AGTPBP1: variants seen among roughly 807,000 people sequenced by gnomAD.
The protein encoded by AGTPBP1 is cytosolic carboxypeptidase 1.
AGTPBP1 carries 70 observed loss-of-function variants against 143.9 expected under a neutral mutation model. The ratio of observed to expected loss-of-function variants is 0.49; its 90% confidence interval spans 0.40 to 0.59. The LOEUF (loss-of-function observed/expected upper bound fraction) is 0.59. Ranked by LOEUF, AGTPBP1 falls within the 20% of genes least tolerant of loss-of-function variation. The probability of loss-of-function intolerance (pLI) is 0.00; values close to 1 mark genes in which losing one functional copy is unlikely to be tolerated. For missense variants in AGTPBP1, 1,229 were observed against 1,464.5 expected, an observed-to-expected ratio of 0.84 and a Z score of 2.62; for synonymous variants, 463 against 500.2, an observed-to-expected ratio of 0.93 and a Z score of 0.99.
intron 2 of AGTPBP1, among the ~76,000 whole-genome samples, chr9:85,697,434 A>ATTAGTTTTTTTTTAT (rs1836320175): frequency 8.0e-6 from 1 of 124,490 alleles, no homozygotes; most frequent in African/African-American, 3.1e-5. Context: ...ATGGGTCTTA[A>ATTAGTTTTTTTTTAT]TTTGTTTTTT....
chr9:85,635,467 G>A lies in AGTPBP1; in HGVS notation c.1303-2093C>T, dbSNP rs561788451. 3.9e-5 allele frequency among the ~76,000 whole-genome samples: 6 copies of A among 152,212 alleles called. 1 individual carries two copies. In the South Asian group the frequency reaches 1.2e-3, roughly 32 times the overall value. On this transcript the variant is annotated intron_variant, in intron 13 of 25. Transcript: ENST00000357081. ...AAAAAACACATTTTGTAGGAAACATGGTAGGCTAAGTATCCACCCCACAGA... is the reference window on the plus strand; with the variant it reads ...AAAAAACACATTTTGTAGGAAACATAGTAGGCTAAGTATCCACCCCACAGA...
At chr9:85,715,100 A>T (rs927644795) in intron 1 of AGTPBP1, among the ~76,000 whole-genome samples, 1 of 152,080 alleles carries the variant, frequency 6.6e-6, no homozygotes, top group Non-Finnish European at 1.5e-5. Flanking sequence ...TACAAAAATT[A>T]GCCTGGCCTG....
intron 25 of AGTPBP1, among the ~76,000 whole-genome samples, chr9:85,556,135 G>C (rs1282577294): frequency 6.6e-6 from 1 of 151,922 alleles, no homozygotes; most frequent in Admixed American, 6.6e-5. Context: ...GAACCTAGAA[G>C]TTTAAAAAAT....
chr9:85,619,592 C>CATTTT (rs1830792795), intron 15 of AGTPBP1, among the ~76,000 whole-genome samples: 1 of 152,112 alleles, frequency 6.6e-6, no homozygotes, highest in South Asian at 2.1e-4. Context: ...CAAAAAAGAA[C>CATTTT]ATTTTTAAAA....
chr9:85,704,229 G>T (rs947244237), intron 2 of AGTPBP1, among the ~76,000 whole-genome samples: 1 of 152,160 alleles, frequency 6.6e-6, no homozygotes, highest in Non-Finnish European at 1.5e-5. Context: ...TAAGAGTCCA[G>T]GGAAACCATC....
At chr9:85,746,731 A>G (rs1001984595), upstream of AGTPBP1, among the ~76,000 whole-genome samples, 2 of 151,972 alleles carry the variant, frequency 1.3e-5, no homozygotes, top group Non-Finnish European at 2.9e-5. Context: ...TTGCTAAGAG[A>G]GTGGATTTCA....
intron 17 of AGTPBP1, among the ~76,000 whole-genome samples, chr9:85,597,464 T>C (rs1829369719): frequency 6.6e-6 from 1 of 152,138 alleles, no homozygotes; most frequent in Non-Finnish European, 1.5e-5. Flanking sequence ...ACAATTCTTT[T>C]TCATGACTTG....
rs780237991 is a variant in AGTPBP1 at position 85,657,538 on chromosome 9, C to T, written c.806G>A (p.Arg269Gln). ...TTTTAAACTCTGTAAAATTCCTTTC[C>T]GAATGAGCATGTTTCTATGCCGGTT... ...HDNRHRNMLI[R>Q]KGILQSLKSV... Residue 269 changes from arginine to glutamine, a missense_variant, in exon 10 of 26, where the codon CGG becomes CAG. Physicochemically the swap from Arg to Gln is conservative, Grantham distance 43 (BLOSUM62 1). Coordinates refer to ENST00000357081, the MANE Select transcript of AGTPBP1 (RefSeq NM_001330701.2). 1.4e-5 allele frequency: 23 copies of T among 1,613,830 alleles called. No homozygotes were observed. The highest frequency in any genetic ancestry group is 3.3e-5 in the Admixed American group (2 of 60,010).
At chr9:85,667,107 T>C (rs961099697) in intron 8 of AGTPBP1, among the ~76,000 whole-genome samples, 7 of 152,122 alleles carry the variant, frequency 4.6e-5, no homozygotes, top group Admixed American at 4.6e-4. Context: ...CAGAGCCCAC[T>C]CTAAACCACC....
At chr9:85,718,628 A>G (rs112188033) in intron 1 of AGTPBP1, among the ~76,000 whole-genome samples, 110 of 152,182 alleles carry the variant, frequency 7.2e-4, no homozygotes, top group African/African-American at 2.6e-3. Context: ...TTGCCTGTTC[A>G]CTCTGATTAC....
upstream of AGTPBP1, among the ~76,000 whole-genome samples, chr9:85,743,973 T>TGTA (rs1824553862): frequency 1.3e-5 from 2 of 151,692 alleles, no homozygotes; most frequent in South Asian, 2.1e-4. Context: ...TTGCCAAGGC[T>TGTA]GTAATACAGT....
intron 25 of AGTPBP1, among the ~76,000 whole-genome samples, chr9:85,574,928 C>T (rs927218904): frequency 1.1e-4 from 17 of 152,082 alleles, no homozygotes; most frequent in Non-Finnish European, 1.2e-4. Flanking sequence ...AGGCTGTTCT[C>T]GAACTCCTGA....
intron 25 of AGTPBP1, among the ~76,000 whole-genome samples, chr9:85,560,949 G>C (rs1358163174): frequency 6.6e-6 from 1 of 152,110 alleles, no homozygotes; most frequent in African/African-American, 2.4e-5. Context: ...AAAACTGATA[G>C]AAGACATGAA....
At chr9:85,771,905 C>T in the AGTPBP1 span, among the ~76,000 whole-genome samples, 6 of 151,926 alleles carry the variant, frequency 3.9e-5, no homozygotes, top group African/African-American at 1.2e-4. Context: ...ATGATCCGCC[C>T]GCCTCGGCCT....
the AGTPBP1 span, among the ~76,000 whole-genome samples, chr9:85,762,367 A>G: frequency 6.6e-6 from 1 of 152,228 alleles, no homozygotes; most frequent in Admixed American, 6.5e-5. Flanking sequence ...ACTTGGAACC[A>G]ACCCAAATGT....
chr9:85,617,190 T>G (rs1205432433), intron 17 of AGTPBP1, among the ~76,000 whole-genome samples: 2 of 152,138 alleles, frequency 1.3e-5, no homozygotes, highest in East Asian at 3.8e-4. Flanking sequence ...TCCCCTTAAA[T>G]AGCATTATCA....
the AGTPBP1 span, among the ~76,000 whole-genome samples, chr9:85,750,253 C>A: frequency 6.6e-6 from 1 of 152,152 alleles, no homozygotes; most frequent in Non-Finnish European, 1.5e-5. Flanking sequence ...AGCTTTATTT[C>A]ATCATCCTGA....
chr9:85,583,050 T>C (rs1382240649), intron 23 of AGTPBP1, among the ~76,000 whole-genome samples: 1 of 151,870 alleles, frequency 6.6e-6, no homozygotes, highest in Admixed American at 6.6e-5. Flanking sequence ...GAAGGAGATG[T>C]GACAATGGAA....
At chr9:85,621,704 G>C (rs1345374056) in intron 14 of AGTPBP1, among the ~76,000 whole-genome samples, 1 of 152,118 alleles carries the variant, frequency 6.6e-6, no homozygotes. Context: ...AACCCACCTG[G>C]CTGGAATTTA....
Sources: allele counts gnomAD v4.1 joint callset (sites outside exome capture counted in the v4.1 genomes callset), GRCh38; gene constraint gnomAD v4.1.1; transcripts MANE v1.5; gene names NCBI Gene and HGNC (gene_info 2026-07-23, HGNC 2026-07-21).